The following PLCZ1 variants were observed in gnomAD, a reference collection of about 807,000 sequenced individuals.
PLCZ1 encodes 1-phosphatidylinositol 4,5-bisphosphate phosphodiesterase zeta-1.
A neutral mutation model predicts 76.8 loss-of-function variants in PLCZ1; 64 were observed. The ratio of observed to expected loss-of-function variants is 0.83; its 90% CI spans 0.68 to 1.03. The LOEUF is 1.03. PLCZ1 is among the 50% of genes least tolerant of loss of function. The pLI is 0.00. For synonymous variants in PLCZ1, 248 were observed against 230.8 expected (o/e 1.07, Z -0.68); for missense variants, 751 against 713.7 (o/e 1.05, Z -0.60).
chr12:18,693,652 A>G, intron 12 of PLCZ1: 1 of 1,565,730 alleles, frequency 6.4e-7, no homozygotes, highest in African/African-American at 1.4e-5. Flanking sequence ...CCATTGGGAC[A>G]AAAAGATATG....
rs1178874229 is a variant in PLCZ1, at chr12:18,684,062, ATGTGT to A, written c.1741+63_1741+67del. 7 of 1,539,310 alleles carry A rather than the reference ATGTGT, an allele frequency of 4.5e-6. No homozygotes were observed. In the African/African-American group the frequency reaches 9.5e-5, roughly 21 times the overall value. On this transcript the variant is annotated intron_variant, in intron 14 of 14. Transcript: ENST00000266505. The stretch of plus-strand genomic sequence containing the variant: ...TGATAGAGCTATTTGGTATGTCAAA[ATGTGT>A]CTTTGATATACACAAGTTATATTTA...
rs779454791 is a variant in PLCZ1 at position 18,723,548 on chromosome 12, A to G, written c.136-6T>C. 2.5e-6 allele frequency: 4 copies of G among 1,604,710 alleles called. No individual in the cohort carries two copies. The highest frequency in any genetic ancestry group is 1.1e-5 in the South Asian group (1 of 90,904). ...TGTTTCAGCCTGTCATTGTCCTACT[A>G]AAAAAATGACTGGTGGGCTCACATT... On this transcript the variant is annotated splice_region_variant and splice_polypyrimidine_tract_variant and intron_variant, in intron 3 of 14. Transcript: ENST00000266505.
chr12:18,687,338 T>G (rs1273914401), intron 13 of PLCZ1, among the ~76,000 whole-genome samples: 1 of 152,140 alleles, frequency 6.6e-6, no homozygotes, highest in African/African-American at 2.4e-5. Context: ...ATTTCTAGAC[T>G]CTGGAATGAA....
At chr12:18,673,408 C>T in the PLCZ1 span, among the ~76,000 whole-genome samples, 5 of 151,610 alleles carry the variant, frequency 3.3e-5, no homozygotes, top group Admixed American at 3.3e-4. Flanking sequence ...ATAAACAGAG[C>T]CATTTCACCA....
intron 6 of PLCZ1, among the ~76,000 whole-genome samples, chr12:18,708,796 C>T (rs187764056): frequency 1.4e-3 from 215 of 152,138 alleles, no homozygotes; most frequent in Non-Finnish European, 2.7e-3. Flanking sequence ...TACTTGTTGG[C>T]CATTTTTATG....
the PLCZ1 span, among the ~76,000 whole-genome samples, chr12:18,674,289 A>C: frequency 6.6e-6 from 1 of 152,198 alleles, no homozygotes; most frequent in Non-Finnish European, 1.5e-5. Context: ...GATTTCTCTC[A>C]TTTCCTGAAT....
chr12:18,724,456 A>T (rs1467370826), intron 3 of PLCZ1, among the ~76,000 whole-genome samples: 2 of 152,126 alleles, frequency 1.3e-5, no homozygotes, highest in East Asian at 1.9e-4. Flanking sequence ...TTAATTTTTT[A>T]AAAAATGCTT....
chr12:18,694,218 C>A, intron 12 of PLCZ1: 1 of 620,448 alleles, frequency 1.6e-6, no homozygotes. Context: ...AGCAAAACAT[C>A]CTGTGTCTTT....
chr12:18,687,193 C>G (rs371386843), intron 13 of PLCZ1, among the ~76,000 whole-genome samples: 1 of 152,078 alleles, frequency 6.6e-6, no homozygotes, highest in South Asian at 2.1e-4. Context: ...CCATGACTTT[C>G]GCTCTAGAAG....
intron 5 of PLCZ1, among the ~76,000 whole-genome samples, chr12:18,716,028 T>C (rs1957947922): frequency 6.6e-6 from 1 of 152,194 alleles, no homozygotes; most frequent in Non-Finnish European, 1.5e-5. Flanking sequence ...GAATTGCAAA[T>C]GAATATATTT....
the PLCZ1 span, among the ~76,000 whole-genome samples, chr12:18,650,670 G>A: frequency 4.5e-4 from 7 of 15,716 alleles, no homozygotes; most frequent in South Asian, 3.3e-3. Context: ...ATAAATGTGT[G>A]TGTGTGTGTG....
At chr12:18,678,837 AT>A (rs1303837286), downstream of PLCZ1, among the ~76,000 whole-genome samples, 3 of 152,004 alleles carry the variant, frequency 2.0e-5, no homozygotes, top group Non-Finnish European at 4.4e-5. Context: ...ATGTGTTTTC[AT>A]TTCCCTTGAG....
At chr12:18,687,885 A>G (rs932919676) in intron 13 of PLCZ1, among the ~76,000 whole-genome samples, 1 of 152,062 alleles carries the variant, frequency 6.6e-6, no homozygotes, top group Non-Finnish European at 1.5e-5. Context: ...ACATTTCTGT[A>G]TTCATAATCT....
chr12:18,655,655 G>A, the PLCZ1 span, among the ~76,000 whole-genome samples: 19,581 of 151,906 alleles, frequency 0.13, 1,361 homozygotes, highest in Middle Eastern at 0.19. Context: ...AGTGGAAGTC[G>A]TGTTGGCAGT....
intron 13 of PLCZ1, 89 bp downstream of exon 13, chr12:18,688,000 A>G (rs1953423070): frequency 1.3e-6 from 2 of 1,532,160 alleles, no homozygotes; most frequent in African/African-American, 1.4e-5. Flanking sequence ...TGAATAATAA[A>G]TATGTACAAA....
the PLCZ1 span, among the ~76,000 whole-genome samples, chr12:18,659,806 T>A: frequency 1.3e-5 from 2 of 152,042 alleles, no homozygotes; most frequent in Non-Finnish European, 2.9e-5. Flanking sequence ...GTATATCACC[T>A]AATGCTAAAA....
chr12:18,710,718 A>G (rs10841075), intron 6 of PLCZ1, among the ~76,000 whole-genome samples: 69,795 of 152,002 alleles, frequency 0.46, 17,982 homozygotes, highest in South Asian at 0.62. Context: ...AATTCAGGAT[A>G]CATTTTAAAA....
At chr12:18,685,490 A>C (rs1008849976) in intron 13 of PLCZ1, 1 of 218,306 alleles carries the variant, frequency 4.6e-6, no homozygotes, top group Non-Finnish European at 1.0e-5. Context: ...TTTGACTTAC[A>C]TTTCCAGAAG....
At chr12:18,712,252 T>C (rs1413424115) in intron 6 of PLCZ1, among the ~76,000 whole-genome samples, 2 of 152,124 alleles carry the variant, frequency 1.3e-5, no homozygotes, top group Non-Finnish European at 2.9e-5. Context: ...ACCAGTGTTA[T>C]TTAGAACTCC....
Sources: allele counts gnomAD v4.1 joint callset (sites outside exome capture counted in the v4.1 genomes callset), GRCh38; gene constraint gnomAD v4.1.1; transcripts MANE v1.5; gene names NCBI Gene and HGNC (gene_info 2026-07-23, HGNC 2026-07-21).